CDCA2: variants seen among roughly 807,000 people sequenced by gnomAD.
CDCA2 encodes cell division cycle associated 2, also known as cell division cycle-associated protein 2.
CDCA2 carries 44 observed loss-of-function variants against 67.0 expected under a neutral mutation model. The ratio of observed to expected loss-of-function variants is 0.66; its 90% CI spans 0.52 to 0.84. The LOEUF is 0.84. Ranked by LOEUF, CDCA2 falls within the 40% of genes least tolerant of loss-of-function variation. The probability of loss-of-function intolerance (pLI) is 0.00; values close to 1 mark genes in which losing one functional copy is unlikely to be tolerated. For missense variants in CDCA2, 1,253 were observed against 1,203.2 expected (o/e 1.04, Z -0.61); for synonymous variants, 447 against 418.7 (o/e 1.07, Z -0.82).
intron 10 of CDCA2, among the ~76,000 whole-genome samples, chr8:25,485,180 T>TATAATA (rs59602718): frequency 0.019 from 2,206 of 113,896 alleles, 31 homozygotes; most frequent in African/African-American, 0.034. Context: ...AAACTTAAAG[T>TATAATA]ATAATAATAA....
intron 13 of CDCA2, among the ~76,000 whole-genome samples, chr8:25,494,976 G>T (rs1804157226): frequency 6.6e-6 from 1 of 152,180 alleles, no homozygotes; most frequent in South Asian, 2.1e-4. Context: ...CCAACACCCT[G>T]ATCTTGCACT....
intron 13 of CDCA2, among the ~76,000 whole-genome samples, chr8:25,497,184 T>C (rs546130825): frequency 6.6e-5 from 10 of 152,168 alleles, no homozygotes; most frequent in African/African-American, 2.4e-4. Context: ...GTGGGAAACA[T>C]TACGGGGGTT....
At chr8:25,471,482 C>T (rs1803153368) in intron 7 of CDCA2, among the ~76,000 whole-genome samples, 1 of 152,248 alleles carries the variant, frequency 6.6e-6, no homozygotes, top group East Asian at 1.9e-4. Flanking sequence ...CTGCCTCGGC[C>T]TCCCAAGTAG....
chr8:25,483,230 G>C (rs1803636797), intron 8 of CDCA2, among the ~76,000 whole-genome samples, 169 bp from the exon 9 acceptor site: 1 of 152,114 alleles, frequency 6.6e-6, no homozygotes, highest in Non-Finnish European at 1.5e-5. Context: ...GTTATGATTT[G>C]TGCCTGATAT....
chr8:25,489,720 C>CT (rs749084173), intron 13 of CDCA2, among the ~76,000 whole-genome samples: 9 of 152,312 alleles, frequency 5.9e-5, no homozygotes, highest in Non-Finnish European at 1.2e-4. Flanking sequence ...TGTACAGTCT[C>CT]TAAGGTTTGT....
chr8:25,506,695 G>T lies in CDCA2; in HGVS notation c.2029G>T (p.Asp677Tyr). 6.2e-7 allele frequency: 1 copy of T among 1,611,474 alleles called. No individual in the cohort carries two copies. Among genetic ancestry groups the T allele is most frequent in the Non-Finnish European group, 8.5e-7 (1 of 1,179,322 alleles). ...GCTTGGCAATGCTACTTCTGATGAA[G>T]ATCCAAATACAAATATAATGAACAT... is the stretch of plus-strand genomic sequence containing the variant. The part of the protein sequence containing the change: ...SSLGNATSDE[D>Y]PNTNIMNINE... The change falls in exon 15 of 15, where the codon GAT becomes TAT. Residue 677 changes from aspartate to tyrosine, a missense_variant. Coordinates refer to ENST00000330560, the MANE Select transcript of CDCA2 (RefSeq NM_152562.4).
chr8:25,502,211 A>G (rs1804507492), intron 13 of CDCA2, among the ~76,000 whole-genome samples: 1 of 152,156 alleles, frequency 6.6e-6, no homozygotes, highest in Non-Finnish European at 1.5e-5. Context: ...AATTGTTAAT[A>G]TGTTTTATGT....
Position 25,468,260 on chromosome 8 carries a change from T to A in CDCA2, c.582T>A (p.Pro194=). ...GCGCTTGCCAGCAGTCTGGGTTCCCTGCAGTGTTGTCCTCCAAACGTCGGA... is the reference window on the plus strand; with the variant it reads ...GCGCTTGCCAGCAGTCTGGGTTCCCAGCAGTGTTGTCCTCCAAACGTCGGA... ...GLSACQQSGF[P]AVLSSKRRRI... Residue 194 remains proline, a synonymous_variant, in exon 6 of 15, where the codon CCT becomes CCA. Coordinates refer to ENST00000330560, the MANE Select transcript of CDCA2 (RefSeq NM_152562.4). The A allele has an allele frequency of 6.2e-7, 1 of 1,610,540 alleles. No homozygotes were observed. The highest frequency in any genetic ancestry group is 8.5e-7 in the Non-Finnish European group (1 of 1,177,906).
intron 14 of CDCA2, among the ~76,000 whole-genome samples, chr8:25,504,496 C>G (rs1346084777): frequency 2.6e-5 from 4 of 151,944 alleles, no homozygotes; most frequent in Non-Finnish European, 4.4e-5. Context: ...AAATGGCTAC[C>G]TTTGTCAATC....
At chr8:25,471,478 C>G (rs756079546) in intron 7 of CDCA2, among the ~76,000 whole-genome samples, 1 of 152,084 alleles carries the variant, frequency 6.6e-6, no homozygotes, top group Non-Finnish European at 1.5e-5. Context: ...TTATCTGCCT[C>G]GGCCTCCCAA....
chr8:25,506,295 A>G (rs572858793), intron 14 of CDCA2, among the ~76,000 whole-genome samples: 16 of 152,326 alleles, frequency 1.1e-4, no homozygotes, highest in African/African-American at 3.8e-4. Flanking sequence ...TTATTAATTC[A>G]TGCGTTGAAT....
At chr8:25,493,135 T>C (rs1484091670) in intron 13 of CDCA2, among the ~76,000 whole-genome samples, 2 of 152,206 alleles carry the variant, frequency 1.3e-5, no homozygotes, top group Admixed American at 6.5e-5. Flanking sequence ...ATTCAAGATA[T>C]ATATTTTAAA....
At chr8:25,498,425 C>T (rs1298982094) in intron 13 of CDCA2, among the ~76,000 whole-genome samples, 2 of 142,594 alleles carry the variant, frequency 1.4e-5, no homozygotes, top group Non-Finnish European at 3.0e-5. Context: ...CCTGGCTGGT[C>T]TCAAACCCCT....
At chr8:25,485,624 G>T in intron 10 of CDCA2, 135 bp from the exon 11 acceptor site, 1 of 491,010 alleles carries the variant, frequency 2.0e-6, no homozygotes. Context: ...TTGAATTTTA[G>T]AATCTTTTAT....
In CDCA2 at chr8:25,504,511, G is replaced by C. The variant is rs143643575; in HGVS notation, c.1843+967G>C. On this transcript the variant is annotated intron_variant, in intron 14 of 14. Coordinates refer to ENST00000330560, the MANE Select transcript of CDCA2 (RefSeq NM_152562.4). ...AAATGGCTACCTTTGTCAATCATCA[G>C]ATATTTATAGCCTACCTCCTATTTG... Among the ~76,000 whole-genome samples, 661 of 152,194 alleles carry C rather than the reference G, an allele frequency of 4.3e-3. 3 individuals carry two copies. Among genetic ancestry groups the C allele is most frequent in the Non-Finnish European group, 8.0e-3 (547 of 68,002 alleles).
rs112148375 is a variant in CDCA2, at chr8:25,479,965, G to A, written c.873G>A (p.Ser291=). 5.2e-3 allele frequency: 8,336 copies of A among 1,614,012 alleles called. 404 individuals carry two copies. The African/African-American group carries it at 0.097, about 19-fold the overall frequency. ...VVGKGSSDAV[S]PDTFTAEVSS... Reference sequence around the variant, plus strand: ...GCAAAGGATCAAGTGATGCCGTTTCGCCTGACACGTTCACAGCAGAAGTGA... The same window carrying A: ...GCAAAGGATCAAGTGATGCCGTTTCACCTGACACGTTCACAGCAGAAGTGA... The change falls in exon 8 of 15, where the codon TCG becomes TCA. Residue 291 remains serine, a synonymous_variant. Coordinates refer to ENST00000330560, the MANE Select transcript of CDCA2 (RefSeq NM_152562.4).
intron 13 of CDCA2, among the ~76,000 whole-genome samples, chr8:25,493,649 A>G (rs1314868625): frequency 6.6e-6 from 1 of 152,254 alleles, no homozygotes; most frequent in Non-Finnish European, 1.5e-5. Flanking sequence ...GACCTTCAGC[A>G]CAGGAAGAAA....
intron 7 of CDCA2, among the ~76,000 whole-genome samples, chr8:25,479,175 A>T (rs990781991): frequency 2.0e-4 from 31 of 152,150 alleles, no homozygotes; most frequent in African/African-American, 7.5e-4. Context: ...AGCACAGTAC[A>T]GCCAAGCCAC....
In CDCA2 at chr8:25,468,382, G is replaced by A. The variant is rs982868744; in HGVS notation, c.704G>A (p.Cys235Tyr). The A allele has an allele frequency of 4.3e-6, 7 of 1,612,378 alleles. No individual in the cohort carries two copies. Among genetic ancestry groups the A allele is most frequent in the Non-Finnish European group, 5.9e-6 (7 of 1,179,348 alleles). ...TTCAATATTGATACAGACAGAGCAT[G>A]TGCAGTTGAAACTTCTGTAGATCTT... ...QIFNIDTDRA[C>Y]AVETSVDLSE... The change falls in exon 6 of 15, where the codon TGT (cysteine) becomes TAT (tyrosine). Residue 235 changes from cysteine (C) to tyrosine (Y), a missense_variant. Transcript: ENST00000330560.
Sources: allele counts gnomAD v4.1 joint callset (sites outside exome capture counted in the v4.1 genomes callset), GRCh38; gene constraint gnomAD v4.1.1; transcripts MANE v1.5; gene names NCBI Gene and HGNC (gene_info 2026-07-23, HGNC 2026-07-21).